Variants in DLGAP1 observed in about 807,000 individuals in gnomAD.
DLGAP1 encodes DLG associated protein 1, also known as disks large-associated protein 1.
A neutral mutation model predicts 90.8 loss-of-function variants in DLGAP1; 11 were observed. The observed-to-expected ratio is 0.12, with a 90% CI of 0.08 to 0.20. DLGAP1 has a LOEUF of 0.20. Among genes scored for constraint, DLGAP1 ranks in the 10% least tolerant of loss-of-function variants. The pLI is 1.00. For synonymous variants in DLGAP1, 558 were observed against 540.7 expected, an observed-to-expected ratio of 1.03 and a Z score of -0.44; for missense variants, 1,050 against 1,333.8, an observed-to-expected ratio of 0.79 and a Z score of 3.31.
intron 7 of DLGAP1, among the ~76,000 whole-genome samples, chr18:3,602,530 G>T (rs966483131): frequency 5.5e-5 from 8 of 145,732 alleles, no homozygotes; most frequent in Non-Finnish European, 1.2e-4. Flanking sequence ...GGGAGGCGGA[G>T]CTTGCAGGGA....
intron 2 of DLGAP1, among the ~76,000 whole-genome samples, chr18:4,127,151 G>A (rs982897285): frequency 1.8e-4 from 28 of 152,166 alleles, no homozygotes; most frequent in Admixed American, 6.5e-5. Flanking sequence ...TAAGCAAGGT[G>A]GCAGTTCTGA....
At chr18:4,004,037 G>A (rs376418016) in intron 3 of DLGAP1, among the ~76,000 whole-genome samples, 22 of 152,250 alleles carry the variant, frequency 1.4e-4, no homozygotes, top group East Asian at 7.7e-4. Flanking sequence ...TCCAGGGCAC[G>A]TTAGTAACTG....
intron 7 of DLGAP1, among the ~76,000 whole-genome samples, chr18:3,644,805 A>C (rs1421697356): frequency 6.6e-6 from 1 of 152,210 alleles, no homozygotes; most frequent in African/African-American, 2.4e-5. Context: ...GTAAATTGTA[A>C]TATATCCATA....
chr18:4,439,354 A>G (rs2083475282), intron 1 of DLGAP1, among the ~76,000 whole-genome samples: 1 of 152,368 alleles, frequency 6.6e-6, no homozygotes, highest in Non-Finnish European at 1.5e-5. Context: ...AAGTTAAAAC[A>G]TGCCTAGTTG....
At chr18:4,348,847 C>T (rs1401987074) in intron 1 of DLGAP1, among the ~76,000 whole-genome samples, 1 of 151,944 alleles carries the variant, frequency 6.6e-6, no homozygotes, top group Admixed American at 6.6e-5. Context: ...GAGTCCATAC[C>T]ACCAATAAGT....
chr18:3,630,739 T>C (rs1045806217), intron 7 of DLGAP1, among the ~76,000 whole-genome samples: 1 of 152,200 alleles, frequency 6.6e-6, no homozygotes, highest in Non-Finnish European at 1.5e-5. Flanking sequence ...CCTGTCCTTG[T>C]GCTAACACCA....
At chr18:3,943,732 T>C (rs2072819117) in intron 3 of DLGAP1, among the ~76,000 whole-genome samples, 1 of 152,200 alleles carries the variant, frequency 6.6e-6, no homozygotes, top group Non-Finnish European at 1.5e-5. Flanking sequence ...GTTGAATTCC[T>C]AACCCCCAGT....
chr18:3,512,997 G>C (rs1731113663), intron 10 of DLGAP1, among the ~76,000 whole-genome samples: 1 of 152,146 alleles, frequency 6.6e-6, no homozygotes, highest in Non-Finnish European at 1.5e-5. Context: ...CATAACTTTA[G>C]ATCCACTGGA....
intron 5 of DLGAP1, among the ~76,000 whole-genome samples, chr18:3,751,944 C>T (rs1316860940): frequency 1.5e-4 from 22 of 149,690 alleles, no homozygotes; most frequent in South Asian, 4.2e-4. Context: ...AATGCAGTGG[C>T]GCGATCTTGG....
At chr18:4,403,355 T>A (rs1187904173) in intron 1 of DLGAP1, among the ~76,000 whole-genome samples, 1 of 152,190 alleles carries the variant, frequency 6.6e-6, no homozygotes, top group African/African-American at 2.4e-5. Flanking sequence ...TGCAATGTAA[T>A]TTTACCCACA....
intron 6 of DLGAP1, among the ~76,000 whole-genome samples, chr18:3,741,022 A>ACCACCATCACCACCATCACCTCC (rs2062911983): frequency 5.0e-5 from 5 of 99,412 alleles, no homozygotes; most frequent in African/African-American, 2.1e-4. Context: ...CACCATCACC[A>ACCACCATCACCACCATCACCTCC]CCACCACCAC....
chr18:4,042,358 T>C (rs1214380952), intron 2 of DLGAP1, among the ~76,000 whole-genome samples: 1 of 152,240 alleles, frequency 6.6e-6, no homozygotes, highest in African/African-American at 2.4e-5. Context: ...AAATTCCTTT[T>C]CAATATATTA....
chr18:3,561,150 C>T (rs1442950225), intron 9 of DLGAP1, among the ~76,000 whole-genome samples: 3 of 149,442 alleles, frequency 2.0e-5, no homozygotes. Context: ...GCACACTGTC[C>T]CACGCCTATA....
At chr18:4,110,701 T>A (rs1326279908) in intron 2 of DLGAP1, among the ~76,000 whole-genome samples, 2 of 152,188 alleles carry the variant, frequency 1.3e-5, no homozygotes, top group African/African-American at 4.8e-5. Flanking sequence ...GTAAAAGAGA[T>A]CAGGATTCTG....
intron 1 of DLGAP1, among the ~76,000 whole-genome samples, chr18:4,244,751 G>A (rs2078618735): frequency 6.6e-6 from 1 of 152,156 alleles, no homozygotes; most frequent in South Asian, 2.1e-4. Flanking sequence ...ATATTAAAAG[G>A]CTAATGGATA....
At chr18:3,978,618 T>C (rs556236973) in intron 3 of DLGAP1, 46 of 204,726 alleles carry the variant, frequency 2.2e-4, no homozygotes, top group Admixed American at 1.1e-3. Context: ...TTCACCATGG[T>C]GTCTCAGGGA....
chr18:3,727,362 A>G lies in DLGAP1; in HGVS notation c.1591+1773T>C, dbSNP rs914874362. Among the ~76,000 whole-genome samples, 1 of 152,182 alleles carries G rather than the reference A, an allele frequency of 6.6e-6. No homozygotes were observed. Among genetic ancestry groups the G allele is most frequent in the Non-Finnish European group, 1.5e-5 (1 of 68,030 alleles). ...AAACACGCAAATCTGACAGGTGAGA[A>G]GAGAAAAACCATTCCAAGTCTCTTG... On this transcript the variant is annotated intron_variant, in intron 7 of 12. Coordinates refer to ENST00000315677, the MANE Select transcript of DLGAP1 (RefSeq NM_004746.4). The surrounding 1 kb of genome is among the most constrained non-coding windows in gnomAD (Gnocchi z 4.7).
chr18:3,672,928 A>G (rs995102334), intron 7 of DLGAP1, among the ~76,000 whole-genome samples: 2 of 151,974 alleles, frequency 1.3e-5, no homozygotes, highest in African/African-American at 4.8e-5. Flanking sequence ...GCAAGTCCTT[A>G]TCTCCTCTTG....
At chr18:4,208,208 C>G (rs28705305) in intron 1 of DLGAP1, among the ~76,000 whole-genome samples, 6,651 of 152,216 alleles carry the variant, frequency 0.044, 473 homozygotes, top group African/African-American at 0.15. Context: ...ACCTTAGGAG[C>G]AGGTTGTGTT....
Sources: allele counts gnomAD v4.1 joint callset (sites outside exome capture counted in the v4.1 genomes callset), GRCh38; gene constraint gnomAD v4.1.1; non-coding constraint Gnocchi (gnomAD v3.1); transcripts MANE v1.5; gene names NCBI Gene and HGNC (gene_info 2026-07-23, HGNC 2026-07-21).